TRIM71: variants seen among roughly 807,000 people sequenced by gnomAD.
TRIM71 encodes E3 ubiquitin-protein ligase TRIM71.
Under a neutral mutation model 61.2 loss-of-function variants are expected in TRIM71, and 9 were observed. That is an observed-to-expected ratio of 0.15 (90% CI 0.09 to 0.26). The LOEUF is 0.26. TRIM71 is among the 10% of genes least tolerant of loss of function. TRIM71 has a pLI of 1.00. For missense variants in TRIM71, 998 were observed against 1,238.7 expected (o/e 0.81, Z 2.92); for synonymous variants, 645 against 553.2 (o/e 1.17, Z -2.33).
At chr3:32,856,870 C>T (rs1370960792) in intron 1 of TRIM71, among the ~76,000 whole-genome samples, 4 of 152,172 alleles carry the variant, frequency 2.6e-5, no homozygotes, top group Admixed American at 1.3e-4. Flanking sequence ...GGAACTGCCA[C>T]GGACATTTTT....
chr3:32,891,876 C>G lies in TRIM71; in HGVS notation c.*65C>G. 6.9e-7 allele frequency: 1 copy of G among 1,452,434 alleles called. No individual in the cohort carries two copies. Among genetic ancestry groups the G allele is most frequent in the Non-Finnish European group, 9.2e-7 (1 of 1,091,852 alleles). The allele number at this position is 1,452,434 out of a possible 1,614,324, so 90.0% of individuals were successfully genotyped here. The stretch of plus-strand genomic sequence containing the variant: ...TGTCTCTCTCTCTCTCTCTCTCTTT[C>G]TCTTTCTCTCTCTTTTTGAATTTCA... On this transcript the variant is annotated 3_prime_UTR_variant, in exon 4 of 4. Coordinates refer to ENST00000383763, the MANE Select transcript of TRIM71 (RefSeq NM_001039111.3). The surrounding 1 kb of genome is among the most constrained non-coding windows in gnomAD (Gnocchi z 8.2).
intron 1 of TRIM71, among the ~76,000 whole-genome samples, chr3:32,870,785 C>A (rs777054079): frequency 4.6e-5 from 7 of 152,114 alleles, no homozygotes; most frequent in Non-Finnish European, 5.9e-5. Context: ...GAATGGGCAC[C>A]CTGGCTCAGC....
At chr3:32,834,466 G>A (rs926104353) in intron 1 of TRIM71, among the ~76,000 whole-genome samples, 1 of 152,176 alleles carries the variant, frequency 6.6e-6, no homozygotes, top group Non-Finnish European at 1.5e-5. Flanking sequence ...ATACACAAAT[G>A]TTAACATACA....
At position 32,818,527 on chromosome 3, in the gene TRIM71, C is replaced by T; in HGVS notation, c.447C>T (p.His149=). The change falls in exon 1 of 4, where the codon CAC becomes CAT. Residue 149 remains histidine, a synonymous_variant. Transcript: ENST00000383763. The part of the protein sequence containing the change: ...APAGAGGHSN[H]RHHAHHAHPR... The stretch of plus-strand genomic sequence containing the variant: ...CGGGAGCGGGCGGCCACAGCAACCA[C>T]CGGCACCACGCTCACCACGCGCACC... 7 of 1,399,902 alleles carry T rather than the reference C, an allele frequency of 5.0e-6. No homozygotes were observed. The highest frequency in any genetic ancestry group is 5.6e-6 in the Non-Finnish European group (6 of 1,080,756). 86.7% of individuals were successfully genotyped at this position (1,399,902 alleles called of 1,614,324 possible). A position where few individuals can be genotyped will look rare whatever the true frequency, so the allele number is the denominator to read the frequency against.
At chr3:32,886,099 T>C (rs1198108114) in intron 3 of TRIM71, 31 bp downstream of exon 3, 1 of 1,595,514 alleles carries the variant, frequency 6.3e-7, no homozygotes, top group Non-Finnish European at 8.5e-7. Context: ...ACCCAGGCTG[T>C]GCCCACTCGG....
intron 2 of TRIM71, among the ~76,000 whole-genome samples, chr3:32,878,289 G>A (rs1435222923): frequency 3.3e-5 from 5 of 152,158 alleles, no homozygotes; most frequent in Admixed American, 1.3e-4. Flanking sequence ...TTTTCTGAGC[G>A]GTAGGTCTGA....
chr3:32,867,449 A>G (rs1696750948), intron 1 of TRIM71, among the ~76,000 whole-genome samples: 1 of 152,140 alleles, frequency 6.6e-6, no homozygotes, highest in South Asian at 2.1e-4. Context: ...GTATGTGTGT[A>G]TATATACATA....
intron 1 of TRIM71, among the ~76,000 whole-genome samples, chr3:32,834,825 A>C (rs918534733): frequency 6.6e-6 from 1 of 152,086 alleles, no homozygotes; most frequent in African/African-American, 2.4e-5. Context: ...CTGGTGACAG[A>C]GCGAGACTCC....
Position 32,892,926 on chromosome 3 carries a change from A to T in TRIM71, c.*1115A>T, listed in dbSNP as rs1246483397. On this transcript the variant is annotated 3_prime_UTR_variant, in exon 4 of 4. Transcript: ENST00000383763. ...CCCCAAACTATAGGAACTCCACAGA[A>T]AGGGCAGGGTCTGCCCTGACCCGCG... The T allele has an allele frequency of 3.9e-5, 6 of 152,192 alleles. No individual in the cohort carries two copies. The highest frequency in any genetic ancestry group is 1.2e-4 in the African/African-American group (5 of 41,434). The allele number at this position is 152,192 out of a possible 1,614,324, so 9.4% of individuals were successfully genotyped here.
intron 1 of TRIM71, among the ~76,000 whole-genome samples, chr3:32,873,592 C>A (rs1462782787): frequency 1.3e-5 from 2 of 152,118 alleles, no homozygotes; most frequent in Non-Finnish European, 2.9e-5. Flanking sequence ...TGTGTTCCCC[C>A]CTCCATTCCC....
intron 1 of TRIM71, among the ~76,000 whole-genome samples, chr3:32,835,240 G>A (rs373607139): frequency 9.2e-5 from 14 of 152,192 alleles, no homozygotes; most frequent in Non-Finnish European, 1.6e-4. Context: ...TAACATGATG[G>A]GGGGAGTGGG....
Position 32,829,695 on chromosome 3 carries a change from A to C in TRIM71, c.852+10763A>C, listed in dbSNP as rs1371357103. On this transcript the variant is annotated intron_variant, in intron 1 of 3. Coordinates refer to ENST00000383763, the MANE Select transcript of TRIM71 (RefSeq NM_001039111.3). ...GCATTGGAGGAGGCATCTGAAGAGG[A>C]ATCAAATCACAAGAAAGGCCTTAAG... 3.3e-5 allele frequency among the ~76,000 whole-genome samples: 5 copies of C among 151,464 alleles called. No individual in the cohort carries two copies. The Admixed American group carries it at 3.3e-4, about 10-fold the overall frequency.
chr3:32,862,119 G>T (rs1387012723), intron 1 of TRIM71, among the ~76,000 whole-genome samples: 1 of 152,136 alleles, frequency 6.6e-6, no homozygotes, highest in Non-Finnish European at 1.5e-5. Flanking sequence ...AAGGTAACTG[G>T]CTCTAGGCCT....
rs776865784 is a variant in TRIM71 at position 32,818,232 on chromosome 3, C to A, written c.152C>A (p.Ala51Glu). ...SSGGGGGGPG[A>E]AARRLHVLPC... is the part of the protein sequence containing the mutation. ...GGGGGCGGCGGCGGGGGCCCTGGGG[C>A]GGCGGCGCGCCGCCTACACGTCCTG... is the stretch of plus-strand genomic sequence containing the variant. The change falls in exon 1 of 4, where the codon GCG (alanine) becomes GAG (glutamate). Residue 51 changes from alanine to glutamate, a missense_variant. Ala to Glu is a moderately radical substitution (Grantham distance 107). Coordinates refer to ENST00000383763, the MANE Select transcript of TRIM71 (RefSeq NM_001039111.3). 1.4e-5 allele frequency: 21 copies of A among 1,501,484 alleles called. No individual in the cohort carries two copies. The Admixed American group carries it at 2.7e-4, about 19-fold the overall frequency. 93.0% of individuals were successfully genotyped at this position (1,501,484 alleles called of 1,614,324 possible).
rs761355679 is a variant in TRIM71 at position 32,891,802 on chromosome 3, C to T, written c.2598C>T (p.Leu866=). Residue 866 remains leucine (L), a synonymous_variant, in exon 4 of 4, where the codon CTC becomes CTT. Transcript: ENST00000383763. The surrounding 1 kb of genome is among the most constrained non-coding windows in gnomAD (Gnocchi z 8.2). ...TGGACTTTGGCAACAATCGAATCCT[C>T]GTCTTCTAATTGCATTTCCTAGGTT... ...VVVDFGNNRI[L]VF is the part of the protein sequence containing the mutation. The T allele has an allele frequency of 5.6e-6, 9 of 1,613,680 alleles. No individual in the cohort carries two copies. The highest frequency in any genetic ancestry group is 3.3e-5 in the South Asian group (3 of 91,082).
intron 1 of TRIM71, among the ~76,000 whole-genome samples, chr3:32,833,858 T>G (rs541211646): frequency 6.6e-6 from 1 of 152,232 alleles, no homozygotes; most frequent in East Asian, 1.9e-4. Context: ...GCACCTGCTA[T>G]GCCCCACCCC....
intron 1 of TRIM71, among the ~76,000 whole-genome samples, chr3:32,824,884 T>A (rs1696183521): frequency 6.6e-6 from 1 of 152,086 alleles, no homozygotes; most frequent in Non-Finnish European, 1.5e-5. Context: ...AACCTCCGCC[T>A]CCCTGGTTCA....
rs56013846 is a variant in TRIM71, at chr3:32,891,870, C to T, written c.*59C>T. The T allele has an allele frequency of 7.9e-6, 12 of 1,519,190 alleles. No homozygotes were observed. Among genetic ancestry groups the T allele is most frequent in the Admixed American group, 6.5e-5 (3 of 46,212 alleles). The allele number at this position is 1,519,190 out of a possible 1,614,324, so 94.1% of individuals were successfully genotyped here. Reference sequence around the variant, plus strand: ...TGTGCGTGTCTCTCTCTCTCTCTCTCTCTTTCTCTTTCTCTCTCTTTTTGA... The same window carrying T: ...TGTGCGTGTCTCTCTCTCTCTCTCTTTCTTTCTCTTTCTCTCTCTTTTTGA... On this transcript the variant is annotated 3_prime_UTR_variant, in exon 4 of 4. Coordinates refer to ENST00000383763, the MANE Select transcript of TRIM71 (RefSeq NM_001039111.3). The surrounding 1 kb of genome is among the most constrained non-coding windows in gnomAD (Gnocchi z 8.2).
At position 32,894,890 on chromosome 3, in the gene TRIM71, TG is replaced by T. The variant is rs1697063081; in HGVS notation, c.*3082del. ...CATCCTGATGGAAAAAATAAGGTCC[TG>T]GGTATTATGAGGTAGGAGAATAAAA... On this transcript the variant is annotated 3_prime_UTR_variant, in exon 4 of 4. Transcript: ENST00000383763. The T allele has an allele frequency of 6.6e-6, 1 of 152,130 alleles. No homozygotes were observed. The highest frequency in any genetic ancestry group is 2.4e-5 in the African/African-American group (1 of 41,428). 9.4% of individuals were successfully genotyped at this position (152,130 alleles called of 1,614,324 possible). A position where few individuals can be genotyped will look rare whatever the true frequency, so the allele number is the denominator to read the frequency against.
Sources: gnomAD v4.1 joint callset for allele counts (sites outside exome capture counted in the v4.1 genomes callset) on GRCh38, gnomAD v4.1.1 for gene constraint, Gnocchi (gnomAD v3.1) non-coding constraint, MANE v1.5 for transcripts, NCBI Gene and HGNC (gene_info 2026-07-23, HGNC 2026-07-21) for gene names.